The following COL5A1 variants were observed in gnomAD, a reference collection of about 807,000 sequenced individuals.
COL5A1 encodes the protein collagen type V alpha 1 chain, also known as collagen alpha-1(V) chain.
A neutral mutation model predicts 263.7 loss-of-function variants in COL5A1; 16 were observed. The observed-to-expected ratio is 0.06, with a 90% confidence interval of 0.04 to 0.09. The LOEUF (loss-of-function observed/expected upper bound fraction) is 0.09. Ranked by LOEUF, COL5A1 falls within the 10% of genes least tolerant of loss-of-function variation. The pLI is 1.00. For synonymous variants in COL5A1, 1,012 were observed against 1,004.5 expected (o/e 1.01, Z -0.14); for missense variants, 2,036 against 2,540.5 (o/e 0.80, Z 4.27).
At chr9:134,782,462 T>A (rs1479650081) in intron 28 of COL5A1, 12 of 669,998 alleles carry the variant, frequency 1.8e-5, no homozygotes, top group Non-Finnish European at 3.2e-5. Context: ...TCTCTCCAGC[T>A]TCAGAACGTT....
chr9:134,762,708 G>T (rs1480202436), intron 19 of COL5A1, among the ~76,000 whole-genome samples: 1 of 152,198 alleles, frequency 6.6e-6, no homozygotes, highest in Non-Finnish European at 1.5e-5. Flanking sequence ...GCTCTGGAGG[G>T]TGAGAAAGAG....
At chr9:134,697,432 C>T (rs921380150) in intron 2 of COL5A1, among the ~76,000 whole-genome samples, 5 of 152,116 alleles carry the variant, frequency 3.3e-5, no homozygotes, top group Non-Finnish European at 7.3e-5. Context: ...TGCCTTGTGC[C>T]GGAGACATGA....
At chr9:134,799,164 G>C (rs1280216459) in intron 37 of COL5A1, among the ~76,000 whole-genome samples, 1 of 152,192 alleles carries the variant, frequency 6.6e-6, no homozygotes, top group African/African-American at 2.4e-5. Flanking sequence ...CATATCACAG[G>C]CTACTTCATC....
chr9:134,701,821 G>C (rs1221195098), intron 4 of COL5A1, among the ~76,000 whole-genome samples: 1 of 152,252 alleles, frequency 6.6e-6, no homozygotes, highest in Non-Finnish European at 1.5e-5. Flanking sequence ...GCTGTGTCCA[G>C]CCAGGGGCCT....
At chr9:134,839,587 C>G (rs1588619545) in intron 65 of COL5A1, among the ~76,000 whole-genome samples, 1 of 152,220 alleles carries the variant, frequency 6.6e-6, no homozygotes, top group South Asian at 2.1e-4. Context: ...GCCGAGCTCA[C>G]TTGGCTCCCC....
intron 1 of COL5A1, among the ~76,000 whole-genome samples, chr9:134,658,041 C>T (rs556065775): frequency 9.7e-4 from 147 of 152,082 alleles, no homozygotes; most frequent in African/African-American, 3.1e-3. Context: ...GGAGTCCTGT[C>T]GCTGGGGAAA....
chr9:134,843,386 GCTAT>G lies in COL5A1; in HGVS notation c.*1090_*1093del, dbSNP rs16399. The G allele has an allele frequency of 0.66, 100,680 of 151,922 alleles. 33,670 individuals are homozygous for G. The highest frequency in any genetic ancestry group is 0.74 in the Middle Eastern group (215 of 292). The allele number at this position is 151,922 out of a possible 1,614,324, so 9.4% of individuals were successfully genotyped here. A position where few individuals can be genotyped will look rare whatever the true frequency, so the allele number is the denominator to read the frequency against. On this transcript the variant is annotated 3_prime_UTR_variant, in exon 66 of 66. Coordinates refer to ENST00000371817, the MANE Select transcript of COL5A1 (RefSeq NM_000093.5). ...TTCTCTCTTGTGGCTCTCTTGTGGTGCTATCTATCTGTTTTAAGGTCTCCTTGAA... is the reference window on the plus strand; with the variant it reads ...TTCTCTCTTGTGGCTCTCTTGTGGTGCTATCTGTTTTAAGGTCTCCTTGAA...
chr9:134,792,856 CGT>C (rs1174413136), intron 32 of COL5A1, among the ~76,000 whole-genome samples: 30 of 38,218 alleles, frequency 7.8e-4, no homozygotes, highest in Admixed American at 2.4e-3. Flanking sequence ...TGTGCGCACA[CGT>C]GTGTGTGCGC....
intron 1 of COL5A1, among the ~76,000 whole-genome samples, chr9:134,668,167 A>G (rs933915781): frequency 2.6e-5 from 4 of 152,340 alleles, no homozygotes; most frequent in South Asian, 4.1e-4. Flanking sequence ...TCCATGTGGA[A>G]TTGCTATCCT....
chr9:134,788,029 A>AT (rs920610005), intron 31 of COL5A1, among the ~76,000 whole-genome samples: 32 of 152,222 alleles, frequency 2.1e-4, no homozygotes, highest in South Asian at 1.9e-3. Flanking sequence ...AGATGGATGA[A>AT]TGGGTAGGTA....
chr9:134,796,777 C>A (rs1041028156), intron 35 of COL5A1, 71 bp from the exon 36 acceptor site: 4 of 1,406,046 alleles, frequency 2.8e-6, no homozygotes, highest in Admixed American at 3.3e-5. Context: ...GCCACCGGCA[C>A]AGGCAGGTCA....
intron 5 of COL5A1, 117 bp from the exon 6 acceptor site, chr9:134,728,553 C>A: frequency 6.8e-7 from 1 of 1,475,854 alleles, no homozygotes; most frequent in South Asian, 1.1e-5. Flanking sequence ...GAGGTTCACG[C>A]CTGGGGCTGG....
At chr9:134,715,616 A>G (rs12684468) in intron 4 of COL5A1, among the ~76,000 whole-genome samples, 26,447 of 152,136 alleles carry the variant, frequency 0.17, 2,528 homozygotes, top group East Asian at 0.4. Context: ...TTGTGTCCCT[A>G]GGTACTTGAG....
Position 134,765,965 on chromosome 9 carries a change from C to G in COL5A1, c.2088+231C>G, listed in dbSNP as rs4842156. On this transcript the variant is annotated intron_variant, in intron 21 of 65. Coordinates refer to ENST00000371817, the MANE Select transcript of COL5A1 (RefSeq NM_000093.5). The surrounding 1 kb of genome is among the most constrained non-coding windows in gnomAD (Gnocchi z 5.1). Reference sequence around the variant, plus strand: ...GCCCGAGGCTGCCGGCCTCACGCCTCCGCTTCACCCTGGCTGCACTTCCTC... The same window carrying G: ...GCCCGAGGCTGCCGGCCTCACGCCTGCGCTTCACCCTGGCTGCACTTCCTC... Among the ~76,000 whole-genome samples the G allele has an allele frequency of 0.057, 8,728 of 152,310 alleles. 500 individuals are homozygous for G. The highest frequency in any genetic ancestry group is 0.29 in the East Asian group (1,504 of 5,178).
intron 18 of COL5A1, among the ~76,000 whole-genome samples, chr9:134,760,733 ACAC>A (rs1319920374): frequency 2.2e-5 from 3 of 138,096 alleles, no homozygotes; most frequent in Non-Finnish European, 4.6e-5. Flanking sequence ...ACATGCACAC[ACAC>A]CACACATGCA....
At chr9:134,736,323 G>A (rs1835096639) in intron 9 of COL5A1, among the ~76,000 whole-genome samples, 1 of 152,248 alleles carries the variant, frequency 6.6e-6, no homozygotes, top group African/African-American at 2.4e-5. Context: ...GACCACATCT[G>A]GCGAGGGCCT....
chr9:134,759,641 TACAC>T (rs200002520), intron 18 of COL5A1, among the ~76,000 whole-genome samples: 5,629 of 64,304 alleles, frequency 0.088, 276 homozygotes, highest in Middle Eastern at 0.12. Context: ...CCCATATTCA[TACAC>T]ACATGCACAC....
intron 53 of COL5A1, among the ~76,000 whole-genome samples, chr9:134,817,494 C>A (rs570009590): frequency 5.3e-5 from 8 of 152,188 alleles, no homozygotes; most frequent in Non-Finnish European, 1.2e-4. Flanking sequence ...ACACAACTCG[C>A]GGCGTGCACT....
intron 4 of COL5A1, among the ~76,000 whole-genome samples, chr9:134,710,551 C>T (rs560236596): frequency 1.7e-5 from 1 of 58,286 alleles, no homozygotes; most frequent in East Asian, 4.8e-4. Context: ...TTGTTGGGTG[C>T]AGTGGTGGGG....
Sources: gnomAD v4.1 joint callset for allele counts (sites outside exome capture counted in the v4.1 genomes callset) on GRCh38, gnomAD v4.1.1 for gene constraint, Gnocchi (gnomAD v3.1) non-coding constraint, MANE v1.5 for transcripts, NCBI Gene and HGNC (gene_info 2026-07-23, HGNC 2026-07-21) for gene names.